The following STAB2 variants were observed in gnomAD, a reference collection of about 807,000 sequenced individuals.
STAB2 encodes stabilin-2.
STAB2 carries 288 observed loss-of-function variants against 338.1 expected under a neutral mutation model. The ratio of observed to expected loss-of-function variants is 0.85; its 90% confidence interval spans 0.77 to 0.94. The LOEUF (loss-of-function observed/expected upper bound fraction) is 0.94. Ranked by LOEUF, STAB2 falls within the 40% of genes least tolerant of loss-of-function variation. The pLI is 0.00. For synonymous variants in STAB2, 1,202 were observed against 1,193.3 expected (o/e 1.01, Z -0.15); for missense variants, 3,141 against 3,210.1 (o/e 0.98, Z 0.52).
intron 33 of STAB2, among the ~76,000 whole-genome samples, chr12:103,697,372 C>T (rs1878497279): frequency 6.6e-6 from 1 of 152,252 alleles, no homozygotes; most frequent in African/African-American, 2.4e-5. Flanking sequence ...TCCCTGCCCT[C>T]TAACCCAACC....
intron 59 of STAB2, among the ~76,000 whole-genome samples, chr12:103,749,645 C>A (rs914344117): frequency 2.0e-5 from 3 of 148,670 alleles, no homozygotes; most frequent in Non-Finnish European, 4.5e-5. Flanking sequence ...CTGGCTAACA[C>A]GGTGAAACCC....
chr12:103,730,242 T>A lies in STAB2; in HGVS notation c.5209T>A (p.Ser1737Thr). 2.5e-6 allele frequency: 4 copies of A among 1,613,564 alleles called. No homozygotes were observed. The highest frequency in any genetic ancestry group is 2.5e-6 in the Non-Finnish European group (3 of 1,179,768). The part of the protein sequence containing the change: ...KNLLITPKDN[S>T]GRILQNLTTL... The stretch of plus-strand genomic sequence containing the variant: ...TTTGCTTATCACTCCCAAAGACAAC[T>A]CTGGAAGAATTCTGGTAGGTAAACT... Residue 1737 changes from serine to threonine, a missense_variant, in exon 49 of 69, where the codon TCT becomes ACT. Transcript: ENST00000388887.
chr12:103,722,728 G>GA (rs67777146), intron 44 of STAB2, among the ~76,000 whole-genome samples: 8 of 150,504 alleles, frequency 5.3e-5, no homozygotes, highest in East Asian at 3.9e-4. Flanking sequence ...TCTCTTAAAG[G>GA]AAAAAAAAAG....
At chr12:103,684,450 A>C (rs181770062) in intron 26 of STAB2, among the ~76,000 whole-genome samples, 1 of 152,322 alleles carries the variant, frequency 6.6e-6, no homozygotes, top group East Asian at 1.9e-4. Context: ...TTACTCAAGA[A>C]TCTCAAGAAC....
Position 103,717,964 on chromosome 12 carries a change from C to A in STAB2, c.4683+123C>A. On this transcript the variant is annotated intron_variant, in intron 44 of 68. Coordinates refer to ENST00000388887, the MANE Select transcript of STAB2 (RefSeq NM_017564.10). ...TGGAGGCCTCAGAGCTGTGTGTTGA[C>A]CATGAGGCTTGTTTCTCTGGCACAC... is the stretch of plus-strand genomic sequence containing the variant. 9 of 922,146 alleles carry A rather than the reference C, an allele frequency of 9.8e-6. No homozygotes were observed. In the South Asian group the frequency reaches 1.4e-4, roughly 14 times the overall value. 57.1% of individuals were successfully genotyped at this position (922,146 alleles called of 1,614,324 possible).
At chr12:103,678,054 G>A (rs1876549959) in intron 25 of STAB2, among the ~76,000 whole-genome samples, 1 of 152,110 alleles carries the variant, frequency 6.6e-6, no homozygotes, top group Admixed American at 6.5e-5. Context: ...TGTGGCAATG[G>A]AAAAAGAGAC....
At chr12:103,750,060 A>C (rs560562417) in intron 59 of STAB2, among the ~76,000 whole-genome samples, 8 of 152,224 alleles carry the variant, frequency 5.3e-5, no homozygotes, top group Admixed American at 5.2e-4. Context: ...TGGGCCTCAT[A>C]ATAATGCAGA....
intron 51 of STAB2, 136 bp downstream of exon 51, chr12:103,733,318 G>A (rs1881791433): frequency 2.0e-6 from 2 of 1,013,388 alleles, no homozygotes; most frequent in South Asian, 1.5e-5. Context: ...AGCATCCCCT[G>A]CCCCACTGTG....
intron 6 of STAB2, among the ~76,000 whole-genome samples, chr12:103,632,073 C>CG (rs1172461698): frequency 6.6e-6 from 1 of 152,068 alleles, no homozygotes; most frequent in East Asian, 1.9e-4. Context: ...GCCTCAAAGG[C>CG]GGAACACATT....
At chr12:103,763,711 T>G in intron 68 of STAB2, 103 bp downstream of exon 68, 1 of 1,108,106 alleles carries the variant, frequency 9.0e-7, no homozygotes, top group Non-Finnish European at 1.3e-6. Context: ...GAAGGTTCAT[T>G]TCTAGAATGT....
rs910846214 is a variant in STAB2 at position 103,764,110 on chromosome 12, T to C, written c.7605+502T>C. Among the ~76,000 whole-genome samples the C allele has an allele frequency of 3.3e-5, 5 of 152,084 alleles. No homozygotes were observed. In the East Asian group the frequency reaches 9.7e-4, roughly 30 times the overall value. On this transcript the variant is annotated intron_variant, in intron 68 of 68. Coordinates refer to ENST00000388887, the MANE Select transcript of STAB2 (RefSeq NM_017564.10). ...CTGGGATTACAGGCGCATACCACCATGCCCAGCTAACTTTGTATTGTTAAT... is the reference window on the plus strand; with the variant it reads ...CTGGGATTACAGGCGCATACCACCACGCCCAGCTAACTTTGTATTGTTAAT...
At chr12:103,590,874 TC>T in intron 1 of STAB2, 22 bp from the exon 2 acceptor site, 1 of 1,613,828 alleles carries the variant, frequency 6.2e-7, no homozygotes, top group Non-Finnish European at 8.5e-7. Context: ...GAATTAATGT[TC>T]TTTTTTTTAA....
chr12:103,676,030 T>C lies in STAB2; in HGVS notation c.2646+9T>C. On this transcript the variant is annotated intron_variant, in intron 24 of 68. Transcript: ENST00000388887. ...GAGGCTGTAGCCGCAATGTGAGTAC[T>C]GGTCTTCATTTCCACCCTGCCTGGT... is the stretch of plus-strand genomic sequence containing the variant. 6.4e-7 allele frequency: 1 copy of C among 1,553,204 alleles called. No homozygotes were observed. Among genetic ancestry groups the C allele is most frequent in the Non-Finnish European group, 8.7e-7 (1 of 1,145,478 alleles).
rs771596660 is a variant in STAB2, at chr12:103,703,253, A to G, written c.3820A>G (p.Asn1274Asp). 7 of 1,613,680 alleles carry G rather than the reference A, an allele frequency of 4.3e-6. No homozygotes were observed. Among genetic ancestry groups the G allele is most frequent in the East Asian group, 2.2e-5 (1 of 44,878 alleles). Residue 1274 changes from asparagine to aspartate, a missense_variant, in exon 35 of 69, where the codon AAT becomes GAT. By Grantham distance (23) the Asn-to-Asp change is conservative. Transcript: ENST00000388887. ...VLEIQKNRCD[N>D]NDTTIIRGRC... Reference sequence around the variant, plus strand: ...GGAAATTCAGAAGAACAGATGTGATAATAATGACACTACTATTATACGAGT... The same window carrying G: ...GGAAATTCAGAAGAACAGATGTGATGATAATGACACTACTATTATACGAGT...
rs771583303 is a variant in STAB2, at chr12:103,690,452, G to C, written c.3211G>C (p.Val1071Leu). 1.9e-6 allele frequency: 3 copies of C among 1,614,090 alleles called. No homozygotes were observed. The highest frequency in any genetic ancestry group is 2.5e-6 in the Non-Finnish European group (3 of 1,179,950). Residue 1071 changes from valine (V) to leucine (L), a missense_variant, in exon 30 of 69, where the codon GTG becomes CTG. Transcript: ENST00000388887. ...KYHMLLGTYRVADLQTLSSSD... is the reference protein window; with the variant it reads ...KYHMLLGTYRLADLQTLSSSD... ...CCATATGCTACTAGGCACATACAGA[G>C]TGGCAGATCTGCAGACCCTGTCTTC... is the stretch of plus-strand genomic sequence containing the variant.
At chr12:103,602,948 A>G (rs1214939289) in intron 3 of STAB2, among the ~76,000 whole-genome samples, 2 of 152,254 alleles carry the variant, frequency 1.3e-5, no homozygotes, top group Non-Finnish European at 2.9e-5. Context: ...TATCATATCT[A>G]GAAATCTTTG....
chr12:103,717,955 G>A, intron 44 of STAB2, 114 bp downstream of exon 44: 2 of 1,014,802 alleles, frequency 2.0e-6, no homozygotes, highest in Non-Finnish European at 3.0e-6. Flanking sequence ...CCTCAGAGCT[G>A]TGTGTTGACC....
chr12:103,642,870 G>C (rs1565980165), intron 9 of STAB2, among the ~76,000 whole-genome samples: 1 of 152,210 alleles, frequency 6.6e-6, no homozygotes, highest in Non-Finnish European at 1.5e-5. Context: ...ATGGCCAAAA[G>C]TGGCTGTTCA....
chr12:103,729,056 G>A lies in STAB2; in HGVS notation c.5082+61G>A, dbSNP rs1263245211. On this transcript the variant is annotated intron_variant, in intron 48 of 68. Transcript: ENST00000388887. The stretch of plus-strand genomic sequence containing the variant: ...AGATCATGTCCTTTGCAGGAACCTG[G>A]ATGGAGCTGGAGGCCATCATCCTCA... The A allele has an allele frequency of 2.6e-6, 4 of 1,552,192 alleles. No homozygotes were observed. In the African/African-American group the frequency reaches 5.4e-5, roughly 21 times the overall value.
Sources: allele counts gnomAD v4.1 joint callset (sites outside exome capture counted in the v4.1 genomes callset), GRCh38; gene constraint gnomAD v4.1.1; transcripts MANE v1.5; gene names NCBI Gene and HGNC (gene_info 2026-07-23, HGNC 2026-07-21).